The following SKAP2 variants were observed in gnomAD, a reference collection of about 807,000 sequenced individuals.
SKAP2 encodes the protein src kinase associated phosphoprotein 2.
SKAP2 carries 28 observed loss-of-function variants against 54.9 expected under a neutral mutation model. The ratio of observed to expected loss-of-function variants is 0.51; its 90% CI spans 0.38 to 0.70. The LOEUF (loss-of-function observed/expected upper bound fraction) is 0.70. SKAP2 is among the 30% of genes least tolerant of loss of function. SKAP2 has a pLI of 0.00. For synonymous variants in SKAP2, 137 were observed against 134.3 expected, an observed-to-expected ratio of 1.02 and a Z score of -0.14; for missense variants, 356 against 424.1, an observed-to-expected ratio of 0.84 and a Z score of 1.41.
At chr7:26,845,412 T>C (rs1784901485) in intron 3 of SKAP2, among the ~76,000 whole-genome samples, 1 of 152,148 alleles carries the variant, frequency 6.6e-6, no homozygotes, top group African/African-American at 2.4e-5. Flanking sequence ...ATCAGAGACA[T>C]CTCTCATTAA....
At chr7:26,738,022 G>C (rs946225430) in intron 6 of SKAP2, among the ~76,000 whole-genome samples, 2 of 152,162 alleles carry the variant, frequency 1.3e-5, no homozygotes, top group Non-Finnish European at 2.9e-5. Context: ...GAGACAGGAA[G>C]ATCACTTGAG....
At position 26,688,911 on chromosome 7, in the gene SKAP2, C is replaced by T. The variant is rs546070210; in HGVS notation, c.874+1374G>A. Among the ~76,000 whole-genome samples, 26 of 152,120 alleles carry T rather than the reference C, an allele frequency of 1.7e-4. No individual in the cohort carries two copies. The South Asian group carries it at 2.3e-3, about 13-fold the overall frequency. The stretch of plus-strand genomic sequence containing the variant: ...GGCAGAAGTTTCATGATACATAAAC[C>T]GAAAACATATATACTTAAACTACTA... On this transcript the variant is annotated intron_variant, in intron 10 of 12. Coordinates refer to ENST00000345317, the MANE Select transcript of SKAP2 (RefSeq NM_003930.5).
intron 4 of SKAP2, among the ~76,000 whole-genome samples, chr7:26,837,226 C>T (rs1162521083): frequency 6.6e-6 from 1 of 152,060 alleles, no homozygotes; most frequent in Non-Finnish European, 1.5e-5. Context: ...AGGAGAAATA[C>T]CTAATGTAGA....
intron 10 of SKAP2, among the ~76,000 whole-genome samples, chr7:26,688,917 C>CAT (rs1239758387): frequency 6.6e-6 from 1 of 152,100 alleles, no homozygotes; most frequent in African/African-American, 2.4e-5. Flanking sequence ...AAACCGAAAA[C>CAT]ATATATACTT....
intron 4 of SKAP2, among the ~76,000 whole-genome samples, chr7:26,807,519 C>T (rs1181348493): frequency 2.0e-5 from 3 of 152,170 alleles, no homozygotes; most frequent in African/African-American, 7.2e-5. Flanking sequence ...TCCTGAGGCG[C>T]CCCCAGCCAT....
At chr7:26,756,495 A>T (rs1782796136) in intron 4 of SKAP2, among the ~76,000 whole-genome samples, 1 of 152,162 alleles carries the variant, frequency 6.6e-6, no homozygotes. Context: ...TGTCCCTACA[A>T]AGGACATGAA....
chr7:26,845,506 C>T (rs1220399117), intron 3 of SKAP2, among the ~76,000 whole-genome samples: 1 of 152,178 alleles, frequency 6.6e-6, no homozygotes, highest in Admixed American at 6.5e-5. Context: ...GGTGATGTTA[C>T]TCCCACAGTT....
At chr7:26,822,799 C>T (rs1470950284) in intron 4 of SKAP2, among the ~76,000 whole-genome samples, 5 of 151,334 alleles carry the variant, frequency 3.3e-5, no homozygotes, top group South Asian at 2.1e-4. Flanking sequence ...AGGAGAATGG[C>T]GTGAACCCAG....
In SKAP2 at chr7:26,811,208, C is replaced by T. The variant is rs1265732100; in HGVS notation, c.307+32822G>A. Among the ~76,000 whole-genome samples, 7 of 152,148 alleles carry T rather than the reference C, an allele frequency of 4.6e-5. 1 individual carries two copies. Among genetic ancestry groups the T allele is most frequent in the Admixed American group, 6.5e-5 (1 of 15,280 alleles). ...AGAAAAAAAAGACCTAAATTTCTAC[C>T]TCAGCTCCACCATTATTTGCTGTGT... On this transcript the variant is annotated intron_variant, in intron 4 of 12. Transcript: ENST00000345317.
intron 4 of SKAP2, among the ~76,000 whole-genome samples, chr7:26,817,654 C>G (rs572224403): frequency 6.6e-6 from 1 of 152,274 alleles, no homozygotes; most frequent in South Asian, 2.1e-4. Flanking sequence ...CAAATTGTCT[C>G]TGTTTGCAGA....
chr7:26,767,519 T>C (rs2195900), intron 4 of SKAP2, among the ~76,000 whole-genome samples: 57,798 of 151,716 alleles, frequency 0.38, 11,550 homozygotes, highest in Middle Eastern at 0.48. Flanking sequence ...TTTGAATTTG[T>C]TCTTGCTTCT....
intron 4 of SKAP2, among the ~76,000 whole-genome samples, chr7:26,793,599 T>C (rs1318498634): frequency 1.3e-5 from 2 of 152,174 alleles, no homozygotes; most frequent in African/African-American, 2.4e-5. Context: ...GGGCAAGACA[T>C]GGAAAGTCTT....
At chr7:26,726,691 AGTGT>A (rs1334910525) in intron 7 of SKAP2, 187 bp downstream of exon 7, 3 of 436,400 alleles carry the variant, frequency 6.9e-6, no homozygotes, top group Non-Finnish European at 1.2e-5. Flanking sequence ...TCAAGAAGAT[AGTGT>A]GTGAATTAAT....
chr7:26,666,636 G>A (rs201005602), downstream of SKAP2, among the ~76,000 whole-genome samples: 3 of 152,236 alleles, frequency 2.0e-5, no homozygotes, highest in East Asian at 3.9e-4. Context: ...TGGTTGAAAA[G>A]TGATTTCTTT....
At chr7:26,857,759 G>A in intron 1 of SKAP2, 1 of 983,388 alleles carries the variant, frequency 1.0e-6, no homozygotes, top group Non-Finnish European at 1.2e-6. Flanking sequence ...TCAGAGCCAG[G>A]GTAATATTTC....
At chr7:26,810,342 A>C (rs75353273) in intron 4 of SKAP2, among the ~76,000 whole-genome samples, 6,966 of 152,180 alleles carry the variant, frequency 0.046, 402 homozygotes, top group East Asian at 0.3. Flanking sequence ...AGAAAGAAAA[A>C]AAAAGAAAAC....
intron 4 of SKAP2, among the ~76,000 whole-genome samples, chr7:26,842,656 T>C (rs923699490): frequency 2.0e-5 from 3 of 147,524 alleles, no homozygotes; most frequent in Admixed American, 6.8e-5. Flanking sequence ...CATACATTCA[T>C]ATATACCAAC....
downstream of SKAP2, among the ~76,000 whole-genome samples, chr7:26,664,753 A>G (rs1786077544): frequency 2.7e-5 from 4 of 150,404 alleles, no homozygotes; most frequent in South Asian, 6.3e-4. Context: ...AAAAGAGGAG[A>G]GAAACCTAGG....
At chr7:26,784,757 T>C (rs1179776730) in intron 4 of SKAP2, among the ~76,000 whole-genome samples, 1 of 152,180 alleles carries the variant, frequency 6.6e-6, no homozygotes, top group African/African-American at 2.4e-5. Flanking sequence ...ACAGAAAAAT[T>C]ATTTTTAAAA....
Sources: gnomAD v4.1 joint callset for allele counts (sites outside exome capture counted in the v4.1 genomes callset) on GRCh38, gnomAD v4.1.1 for gene constraint, MANE v1.5 for transcripts, NCBI Gene and HGNC (gene_info 2026-07-23, HGNC 2026-07-21) for gene names.